Variants in GJB2 observed in about 807,000 individuals in gnomAD.
GJB2 encodes the protein gap junction protein beta 2.
GJB2 carries 30 observed loss-of-function variants against 16.0 expected under a neutral mutation model. The ratio of observed to expected loss-of-function variants is 1.88; its 90% CI spans 1.41 to 2.55. GJB2 has a LOEUF of 2.55. Among genes scored for constraint, GJB2 ranks in the 30% most tolerant of loss-of-function variants. The pLI is 0.00. For missense variants in GJB2, 284 were observed against 289.7 expected (o/e 0.98, Z 0.14); for synonymous variants, 123 against 119.1 (o/e 1.03, Z -0.21).
rs1959047911 is a variant in GJB2 at position 20,187,754 on chromosome 13, T to C, written c.*1147A>G. The C allele has an allele frequency of 6.6e-6, 1 of 152,216 alleles. No individual in the cohort carries two copies. Among genetic ancestry groups the C allele is most frequent in the African/African-American group, 2.4e-5 (1 of 41,462 alleles). The allele number at this position is 152,216 out of a possible 1,614,324, so 9.4% of individuals were successfully genotyped here. On this transcript the variant is annotated 3_prime_UTR_variant, in exon 2 of 2. Coordinates refer to ENST00000382848, the MANE Select transcript of GJB2 (RefSeq NM_004004.6). ...TTCTTTTCACATGTTATTAGCTATATTTTCACTTAAAAAATTGGAGGCTGA... is the reference window on the plus strand; with the variant it reads ...TTCTTTTCACATGTTATTAGCTATACTTTCACTTAAAAAATTGGAGGCTGA...
At position 20,188,348 on chromosome 13, in the gene GJB2, A is replaced by G. The variant is rs1248179557; in HGVS notation, c.*553T>C. 2 of 153,860 alleles carry G rather than the reference A, an allele frequency of 1.3e-5. No individual in the cohort carries two copies. The highest frequency in any genetic ancestry group is 2.4e-5 in the African/African-American group (1 of 41,468). 9.5% of individuals were successfully genotyped at this position (153,860 alleles called of 1,614,324 possible). On this transcript the variant is annotated 3_prime_UTR_variant, in exon 2 of 2. Transcript: ENST00000382848. Reference sequence around the variant, plus strand: ...TGGTATCCAGAACATCTTTACATCAAAATAACCTATCATACTACAAAGTTT... The same window carrying G: ...TGGTATCCAGAACATCTTTACATCAGAATAACCTATCATACTACAAAGTTT...
At chr13:20,192,327 G>A (rs957347229) in intron 1 of GJB2, among the ~76,000 whole-genome samples, 1 of 152,330 alleles carries the variant, frequency 6.6e-6, no homozygotes, top group African/African-American at 2.4e-5. Flanking sequence ...CGCTCCAAGA[G>A]GTAAAGGTCA....
In GJB2 at chr13:20,189,397, T is replaced by C. The variant is rs1279221857; in HGVS notation, c.185A>G (p.Asn62Ser). Residue 62 changes from asparagine to serine, a missense_variant, in exon 2 of 2, where the codon AAC (asparagine) becomes AGC (serine). Coordinates refer to ENST00000382848, the MANE Select transcript of GJB2 (RefSeq NM_004004.6). The part of the protein sequence containing the change: ...VCNTLQPGCK[N>S]VCYDHYFPIS... ...GGGGAAGTAGTGATCGTAGCACACG[T>C]TCTTGCAGCCTGGCTGCAGGGTGTT... is the stretch of plus-strand genomic sequence containing the variant. 1 of 1,613,146 alleles carries C rather than the reference T, an allele frequency of 6.2e-7. No individual in the cohort carries two copies. Among genetic ancestry groups the C allele is most frequent in the African/African-American group, 1.3e-5 (1 of 75,004 alleles).
intron 1 of GJB2, among the ~76,000 whole-genome samples, chr13:20,189,999 G>T (rs932798814): frequency 1.3e-5 from 2 of 152,240 alleles, no homozygotes; most frequent in Non-Finnish European, 2.9e-5. Context: ...CTCTGCAGAA[G>T]TTACTCAGCG....
chr13:20,189,562 T>G lies in GJB2; in HGVS notation c.20A>C (p.Gln7Pro). MDWGTL[Q>P]TILGGVNKHS... is the part of the protein sequence containing the mutation. ...TTTGTTCACACCCCCCAGGATCGTC[T>G]GCAGCGTGCCCCAATCCATCTTCTA... Residue 7 changes from glutamine (Q) to proline (P), a missense_variant, in exon 2 of 2, where the codon CAG becomes CCG. Gln to Pro is a moderately conservative substitution (Grantham distance 76, BLOSUM62 -1). Transcript: ENST00000382848. 1 of 1,614,194 alleles carries G rather than the reference T, an allele frequency of 6.2e-7. No homozygotes were observed. Among genetic ancestry groups the G allele is most frequent in the Non-Finnish European group, 8.5e-7 (1 of 1,180,038 alleles).
chr13:20,189,946 C>G (rs533310731), intron 1 of GJB2, among the ~76,000 whole-genome samples: 1 of 152,098 alleles, frequency 6.6e-6, no homozygotes, highest in African/African-American at 2.4e-5. Flanking sequence ...GGGTTCTGAC[C>G]GTACCCCTGC....
intron 1 of GJB2, among the ~76,000 whole-genome samples, chr13:20,191,882 A>G (rs1019731110): frequency 2.6e-5 from 4 of 152,220 alleles, no homozygotes; most frequent in African/African-American, 9.6e-5. Context: ...CACCCTTCTC[A>G]CCAGTGTCTG....
rs756467247 is a variant in GJB2 at position 20,189,478 on chromosome 13, A to C, written c.104T>G (p.Ile35Ser). 4 of 1,613,930 alleles carry C rather than the reference A, an allele frequency of 2.5e-6. No homozygotes were observed. The South Asian group carries it at 4.4e-5, about 18-fold the overall frequency. ...LTVLFIFRIM[I>S]LVVAAKEVWG... The stretch of plus-strand genomic sequence containing the variant: ...CACCTCCTTTGCAGCCACAACGAGG[A>C]TCATAATGCGAAAAATGAAGAGGAC... The change falls in exon 2 of 2, where the codon ATC (isoleucine) becomes AGC (serine). Residue 35 changes from isoleucine to serine, a missense_variant. Ile to Ser is a moderately radical substitution (Grantham distance 142). Transcript: ENST00000382848.
intron 1 of GJB2, among the ~76,000 whole-genome samples, chr13:20,191,601 T>C (rs993463219): frequency 6.6e-6 from 1 of 152,060 alleles, no homozygotes; most frequent in Admixed American, 6.6e-5. Context: ...CAGGACGAAG[T>C]TGTTTTCAAT....
rs1311420151 is a variant in GJB2 at position 20,188,794 on chromosome 13, G to C, written c.*107C>G. ...TTTCAAATGGTTGCATTTAAGGTCA[G>C]AATCTTTGTGTTGGGAAATGCTAGC... On this transcript the variant is annotated 3_prime_UTR_variant, in exon 2 of 2. Coordinates refer to ENST00000382848, the MANE Select transcript of GJB2 (RefSeq NM_004004.6). The C allele has an allele frequency of 2.2e-6, 2 of 902,300 alleles. No homozygotes were observed. The highest frequency in any genetic ancestry group is 3.6e-6 in the Non-Finnish European group (2 of 549,198). 55.9% of individuals were successfully genotyped at this position (902,300 alleles called of 1,614,324 possible).
In GJB2 at chr13:20,188,900, G is replaced by A. The variant is rs111033327; in HGVS notation, c.*1C>T. On this transcript the variant is annotated 3_prime_UTR_variant, in exon 2 of 2. Coordinates refer to ENST00000382848, the MANE Select transcript of GJB2 (RefSeq NM_004004.6). ...TCTTAATCTAACAACTGGGCAATGC[G>A]TTAAACTGGCTTTTTTGACTTCCCA... 3.9e-4 allele frequency: 633 copies of A among 1,611,446 alleles called. No individual in the cohort carries two copies. The highest frequency in any genetic ancestry group is 2.3e-3 in the Admixed American group (137 of 60,028).
Position 20,189,391 on chromosome 13 carries a change from C to T in GJB2, c.191G>A (p.Cys64Tyr). 1 of 1,613,554 alleles carries T rather than the reference C, an allele frequency of 6.2e-7. No individual in the cohort carries two copies. The highest frequency in any genetic ancestry group is 1.7e-5 in the Admixed American group (1 of 60,018). Residue 64 changes from cysteine to tyrosine, a missense_variant, in exon 2 of 2, where the codon TGC (cysteine) becomes TAC (tyrosine). By Grantham distance (194) the Cys-to-Tyr change is radical (BLOSUM62 -2). Transcript: ENST00000382848. ...NTLQPGCKNVCYDHYFPISHI... is the reference protein window; with the variant it reads ...NTLQPGCKNVYYDHYFPISHI... ...GGAGATGGGGAAGTAGTGATCGTAG[C>T]ACACGTTCTTGCAGCCTGGCTGCAG...
chr13:20,188,098 C>T lies in GJB2; in HGVS notation c.*803G>A, dbSNP rs989812267. ...TACATCTAAATATTTGACATGAGGC[C>T]ATTTGCTATCATAAGCCATCACTAG... On this transcript the variant is annotated 3_prime_UTR_variant, in exon 2 of 2. Coordinates refer to ENST00000382848, the MANE Select transcript of GJB2 (RefSeq NM_004004.6). The T allele has an allele frequency of 2.6e-5, 4 of 152,194 alleles. No individual in the cohort carries two copies. The East Asian group carries it at 7.7e-4, about 29-fold the overall frequency. 9.4% of individuals were successfully genotyped at this position (152,194 alleles called of 1,614,324 possible).
In GJB2 at chr13:20,188,948, AAC is replaced by A. The variant is rs587783646; in HGVS notation, c.632_633del (p.Cys211LeufsTer5). The A allele has an allele frequency of 8.7e-6, 14 of 1,613,894 alleles. No homozygotes were observed. Among genetic ancestry groups the A allele is most frequent in the African/African-American group, 1.3e-5 (1 of 75,052 alleles). On this transcript the variant is annotated frameshift_variant, in exon 2 of 2. Transcript: ENST00000382848. LOFTEE classifies it high-confidence loss of function. The stretch of plus-strand genomic sequence containing the variant: ...CCAGAACAATATCTAATTAGCAAAT[AAC>A]ACAATTCAGTGACATTCAGCAGGAT... ...ICILLNVTEL[C>X]YLLIRYCSGK... is the part of the protein sequence containing the mutation.
Position 20,189,313 on chromosome 13 carries a change from A to G in GJB2, c.269T>C (p.Leu90Pro), listed in dbSNP as rs80338945. Residue 90 changes from leucine (L) to proline (P), a missense_variant, in exon 2 of 2, where the codon CTA becomes CCA. Physicochemically the swap from Leu to Pro is moderately conservative, Grantham distance 98. Transcript: ENST00000382848. ...QLIFVSTPAL[L>P]VAMHVAYRRH... ...CCGGTAGGCCACGTGCATGGCCACT[A>G]GGAGCGCTGGCGTGGACACGAAGAT... 1,076 of 1,613,914 alleles carry G rather than the reference A, an allele frequency of 6.7e-4. 3 individuals are homozygous for G. Among genetic ancestry groups the G allele is most frequent in the Non-Finnish European group, 8.2e-4 (964 of 1,180,030 alleles).
In GJB2 at chr13:20,189,086, G is replaced by GC; in HGVS notation, c.495dup (p.Leu166AlafsTer44). The GC allele has an allele frequency of 6.2e-7, 1 of 1,614,056 alleles. No homozygotes were observed. Among genetic ancestry groups the GC allele is most frequent in the South Asian group, 1.1e-5 (1 of 91,084 alleles). On this transcript the variant is annotated frameshift_variant, in exon 2 of 2. Transcript: ENST00000382848. LOFTEE classifies it high-confidence loss of function. ...CAAGGCCAGGCGTTGCACTTCACCA[G>GC]CCGCTGCATGGAGAAGCCGTCGTAC...
chr13:20,189,679 A>G (rs1342056707), intron 1 of GJB2, 76 bp from the exon 2 acceptor site: 1 of 1,129,564 alleles, frequency 8.9e-7, no homozygotes, highest in Non-Finnish European at 1.3e-6. Context: ...AGTCTGGGTA[A>G]GCAAGCATGC....
rs1959046970 is a variant in GJB2, at chr13:20,187,588, A to C, written c.*1313T>G. Reference sequence around the variant, plus strand: ...TATTACAAAATGCTTTTACAATGCTATTCTTGACAACAGGAAAATACTTAC... The same window carrying C: ...TATTACAAAATGCTTTTACAATGCTCTTCTTGACAACAGGAAAATACTTAC... On this transcript the variant is annotated 3_prime_UTR_variant, in exon 2 of 2. Coordinates refer to ENST00000382848, the MANE Select transcript of GJB2 (RefSeq NM_004004.6). 6.6e-6 allele frequency: 1 copy of C among 152,186 alleles called. No homozygotes were observed. Among genetic ancestry groups the C allele is most frequent in the Non-Finnish European group, 1.5e-5 (1 of 68,028 alleles). 9.4% of individuals were successfully genotyped at this position (152,186 alleles called of 1,614,324 possible). A position where few individuals can be genotyped will look rare whatever the true frequency, so the allele number is the denominator to read the frequency against.
At chr13:20,190,369 G>A (rs1345950547) in intron 1 of GJB2, among the ~76,000 whole-genome samples, 1 of 152,176 alleles carries the variant, frequency 6.6e-6, no homozygotes, top group Non-Finnish European at 1.5e-5. Context: ...TGGATGGCTT[G>A]GTGGCCTCAC....
Sources: gnomAD v4.1 joint callset for allele counts (sites outside exome capture counted in the v4.1 genomes callset) on GRCh38, gnomAD v4.1.1 for gene constraint, MANE v1.5 for transcripts, NCBI Gene and HGNC (gene_info 2026-07-23, HGNC 2026-07-21) for gene names.